ATOSA: variants seen among roughly 807,000 people sequenced by gnomAD.
The protein encoded by ATOSA is atos homolog protein A.
the ATOSA span, among the ~76,000 whole-genome samples, chr15:52,640,194 C>T: frequency 6.6e-6 from 1 of 152,150 alleles, no homozygotes; most frequent in South Asian, 2.1e-4. Flanking sequence ...AATAGTCATT[C>T]ATGTACAATT....
At chr15:52,611,699 G>A in the ATOSA span, 1 of 1,613,962 alleles carries the variant, frequency 6.2e-7, no homozygotes, top group Middle Eastern at 1.6e-4. Context: ...TCTGGTAGTA[G>A]CATCATTTCC....
At chr15:52,696,109 T>C in the ATOSA span, among the ~76,000 whole-genome samples, 1 of 152,146 alleles carries the variant, frequency 6.6e-6, no homozygotes, top group African/African-American at 2.4e-5. Context: ...GACTGCTCTG[T>C]TGAAATTAGG....
At chr15:52,678,336 CCTT>C in the ATOSA span, 1 of 531,642 alleles carries the variant, frequency 1.9e-6, no homozygotes. Flanking sequence ...GCCAATGTGT[CCTT>C]CTGACACAGT....
At chr15:52,654,602 G>A in the ATOSA span, among the ~76,000 whole-genome samples, 1 of 152,088 alleles carries the variant, frequency 6.6e-6, no homozygotes, top group African/African-American at 2.4e-5. Flanking sequence ...TAGCATGGTC[G>A]TTAAGTATGT....
At chr15:52,609,185 A>G in the ATOSA span, 1 of 1,613,432 alleles carries the variant, frequency 6.2e-7, no homozygotes, top group South Asian at 1.1e-5. Context: ...TGTTTCAAAG[A>G]ACACTTTTCT....
At chr15:52,672,501 C>CAA in the ATOSA span, among the ~76,000 whole-genome samples, 1 of 146,458 alleles carries the variant, frequency 6.8e-6, no homozygotes, top group Non-Finnish European at 1.5e-5. Flanking sequence ...TTTCATTATC[C>CAA]AAAAAAAAAA....
the ATOSA span, chr15:52,648,907 A>T: frequency 6.6e-6 from 1 of 152,118 alleles, no homozygotes; most frequent in Non-Finnish European, 1.5e-5. Flanking sequence ...TCTTTCAGTG[A>T]GTAAAACTGA....
the ATOSA span, among the ~76,000 whole-genome samples, chr15:52,701,398 C>T: frequency 6.6e-6 from 1 of 152,136 alleles, no homozygotes; most frequent in Admixed American, 6.5e-5. Flanking sequence ...ATAATGGTGC[C>T]ACTGCACTCC....
chr15:52,693,245 C>A, the ATOSA span, among the ~76,000 whole-genome samples: 1 of 152,122 alleles, frequency 6.6e-6, no homozygotes, highest in Non-Finnish European at 1.5e-5. Flanking sequence ...CATGGAGAAA[C>A]CCTGTCTCTA....
chr15:52,610,460 T>C, the ATOSA span: 1 of 1,439,022 alleles, frequency 6.9e-7, no homozygotes, highest in Non-Finnish European at 9.3e-7. Flanking sequence ...ATTTTAAATG[T>C]AAAGCAGTCA....
At chr15:52,691,652 TAGTG>T in the ATOSA span, among the ~76,000 whole-genome samples, 31 of 151,854 alleles carry the variant, frequency 2.0e-4, no homozygotes, top group African/African-American at 7.3e-4. Context: ...CTGGACAACA[TAGTG>T]AGACTCCATC....
the ATOSA span, among the ~76,000 whole-genome samples, chr15:52,692,964 C>T: frequency 2.6e-5 from 4 of 152,094 alleles, no homozygotes; most frequent in South Asian, 8.3e-4. Context: ...AACTCTCTTA[C>T]AGAGCATTTA....
At chr15:52,642,398 T>C in the ATOSA span, among the ~76,000 whole-genome samples, 4 of 152,210 alleles carry the variant, frequency 2.6e-5, no homozygotes, top group Admixed American at 2.6e-4. Flanking sequence ...CAAACTCACA[T>C]GTAAAATGAA....
At chr15:52,603,152 T>G in the ATOSA span, among the ~76,000 whole-genome samples, 1 of 152,118 alleles carries the variant, frequency 6.6e-6, no homozygotes, top group African/African-American at 2.4e-5. Flanking sequence ...GAGTTTTTAT[T>G]TTAAAATGGA....
At chr15:52,641,320 A>G in the ATOSA span, among the ~76,000 whole-genome samples, 32 of 152,308 alleles carry the variant, frequency 2.1e-4, no homozygotes, top group Admixed American at 1.9e-3. Context: ...AGTTGACTTC[A>G]CTCTCTGTGT....
chr15:52,596,989 T>C, the ATOSA span, among the ~76,000 whole-genome samples: 12 of 152,106 alleles, frequency 7.9e-5, no homozygotes, highest in Admixed American at 7.2e-4. Flanking sequence ...GAAATACAAA[T>C]TAAAACCACA....
At chr15:52,584,661 A>T in the ATOSA span, 1 of 1,163,644 alleles carries the variant, frequency 8.6e-7, no homozygotes, top group Non-Finnish European at 1.2e-6. Context: ...ACACTGGTCT[A>T]GTTAGAGTCA....
chr15:52,672,387 T>C, the ATOSA span, among the ~76,000 whole-genome samples: 1 of 151,908 alleles, frequency 6.6e-6, no homozygotes, highest in Non-Finnish European at 1.5e-5. Flanking sequence ...TGAGGAACTC[T>C]TCTGATTTTT....
chr15:52,649,567 C>T, the ATOSA span: 4 of 152,080 alleles, frequency 2.6e-5, no homozygotes, highest in African/African-American at 9.7e-5. Context: ...ACTAGCACTT[C>T]TATTTGCTAT....
Sources: allele counts gnomAD v4.1 joint callset (sites outside exome capture counted in the v4.1 genomes callset), GRCh38; gene constraint gnomAD v4.1.1; transcripts MANE v1.5; gene names NCBI Gene and HGNC (gene_info 2026-07-23, HGNC 2026-07-21).